Variants in CDH23 observed in about 807,000 individuals in gnomAD.
CDH23 encodes cadherin related 23, also known as cadherin-23.
A neutral mutation model predicts 317.1 loss-of-function variants in CDH23; 189 were observed. The ratio of observed to expected loss-of-function variants is 0.60; its 90% CI spans 0.53 to 0.67. The LOEUF is 0.67. Ranked by LOEUF, CDH23 falls within the 30% of genes least tolerant of loss-of-function variation. CDH23 has a pLI of 0.00. For missense variants in CDH23, 4,401 were observed against 4,592.4 expected (o/e 0.96, Z 1.20); for synonymous variants, 1,839 against 1,876.8 (o/e 0.98, Z 0.52).
chr10:71,695,990 G>T (rs1378557812), intron 22 of CDH23, among the ~76,000 whole-genome samples: 2 of 152,230 alleles, frequency 1.3e-5, no homozygotes, highest in Admixed American at 1.3e-4. Context: ...GCCCAGCAGG[G>T]GTTTTGTTCA....
intron 1 of CDH23, among the ~76,000 whole-genome samples, chr10:71,402,000 A>C (rs1847802396): frequency 6.6e-6 from 1 of 152,238 alleles, no homozygotes; most frequent in Non-Finnish European, 1.5e-5. Flanking sequence ...TGTCAGCCAG[A>C]AAACTGGCAT....
chr10:71,722,704 A>G (rs894095862), intron 28 of CDH23, among the ~76,000 whole-genome samples: 1 of 152,224 alleles, frequency 6.6e-6, no homozygotes, highest in Non-Finnish European at 1.5e-5. Context: ...GGGTCTTAGG[A>G]GAAGATATTT....
At chr10:71,744,976 T>C (rs76148869) in intron 38 of CDH23, among the ~76,000 whole-genome samples, 1 of 152,280 alleles carries the variant, frequency 6.6e-6, no homozygotes. Flanking sequence ...TGCTATCATT[T>C]GGTTTTTGCA....
chr10:71,683,651 G>T (rs953049387), intron 18 of CDH23, among the ~76,000 whole-genome samples: 2 of 152,138 alleles, frequency 1.3e-5, no homozygotes, highest in African/African-American at 4.8e-5. Context: ...ATTTAGGGGG[G>T]GCCAGGAGGA....
At chr10:71,559,864 C>T (rs1468800625) in intron 6 of CDH23, among the ~76,000 whole-genome samples, 2 of 152,254 alleles carry the variant, frequency 1.3e-5, no homozygotes, top group Admixed American at 1.3e-4. Flanking sequence ...CCCGATTCCT[C>T]CAGGCAGAGA....
At chr10:71,504,800 G>A (rs1853542473) in intron 3 of CDH23, among the ~76,000 whole-genome samples, 1 of 152,236 alleles carries the variant, frequency 6.6e-6, no homozygotes, top group African/African-American at 2.4e-5. Flanking sequence ...TACTGGTCTG[G>A]TTGTTTACGG....
At chr10:71,767,689 G>C (rs911112483) in intron 38 of CDH23, among the ~76,000 whole-genome samples, 1 of 152,244 alleles carries the variant, frequency 6.6e-6, no homozygotes, top group African/African-American at 2.4e-5. Flanking sequence ...CAAGGCATAG[G>C]CTCAGGGCCT....
At position 71,753,134 on chromosome 10, in the gene CDH23, C is replaced by T. The variant is rs988643006; in HGVS notation, c.4845+11213C>T. ...GAGGGCCCTGCACAGCTCCGGACTC[C>T]ATTTCTTTTCACATGGGTGCTGTCC... On this transcript the variant is annotated intron_variant, in intron 38 of 69. Coordinates refer to ENST00000224721, the MANE Select transcript of CDH23 (RefSeq NM_022124.6). 5.7e-6 allele frequency: 6 copies of T among 1,043,974 alleles called. No homozygotes were observed. In the African/African-American group the frequency reaches 1.1e-4, roughly 19 times the overall value. 64.7% of individuals were successfully genotyped at this position (1,043,974 alleles called of 1,614,324 possible). A position where few individuals can be genotyped will look rare whatever the true frequency, so the allele number is the denominator to read the frequency against.
At chr10:71,709,966 A>G (rs1194931024) in intron 27 of CDH23, among the ~76,000 whole-genome samples, 4 of 152,140 alleles carry the variant, frequency 2.6e-5, no homozygotes, top group Non-Finnish European at 5.9e-5. Context: ...AAGACGCAAA[A>G]GTAGAAACCC....
intron 14 of CDH23, among the ~76,000 whole-genome samples, chr10:71,653,376 C>G (rs1038877098): frequency 6.6e-6 from 1 of 151,844 alleles, no homozygotes; most frequent in Admixed American, 6.5e-5. Flanking sequence ...GGGCCTCTCC[C>G]TCTGCTCTGT....
intron 3 of CDH23, among the ~76,000 whole-genome samples, chr10:71,489,146 T>G (rs1190766230): frequency 6.6e-6 from 1 of 152,262 alleles, no homozygotes; most frequent in Non-Finnish European, 1.5e-5. Context: ...TGGAACGTTC[T>G]CAGCCATTAT....
Position 71,799,620 on chromosome 10 carries a change from C to T in CDH23, c.7353C>T (p.Asn2451=), listed in dbSNP as rs779887537. The part of the protein sequence containing the change: ...LGDGESKFAI[N]PTTGDIYVLS... Reference sequence around the variant, plus strand: ...ATGGAGAGAGCAAGTTTGCCATCAACCCCACCACGGTGAGCAGTGATGGAG... The same window carrying T: ...ATGGAGAGAGCAAGTTTGCCATCAATCCCACCACGGTGAGCAGTGATGGAG... The change falls in exon 52 of 70, where the codon AAC becomes AAT. Residue 2451 remains asparagine, a synonymous_variant. Transcript: ENST00000224721. The T allele has an allele frequency of 1.2e-6, 2 of 1,614,046 alleles. No homozygotes were observed. Among genetic ancestry groups the T allele is most frequent in the Admixed American group, 3.3e-5 (2 of 60,026 alleles).
At chr10:71,446,280 G>T (rs754089636) in intron 2 of CDH23, 38 bp from the exon 3 acceptor site, 1 of 1,592,692 alleles carries the variant, frequency 6.3e-7, no homozygotes, top group Non-Finnish European at 8.6e-7. Flanking sequence ...AAGCTGATGG[G>T]GGGTACTTGG....
rs530205924 is a variant in CDH23, at chr10:71,773,754, G to A, written c.4846-3926G>A. Among the ~76,000 whole-genome samples, 15 of 152,322 alleles carry A rather than the reference G, an allele frequency of 9.8e-5. No individual in the cohort carries two copies. The South Asian group carries it at 3.1e-3, about 32-fold the overall frequency. ...TCTACCGTCCCCCAGTCCTTTTGGA[G>A]AGAAATTATTATTGCTGCGCAGCCT... On this transcript the variant is annotated intron_variant, in intron 38 of 69. Transcript: ENST00000224721.
intron 3 of CDH23, among the ~76,000 whole-genome samples, chr10:71,452,145 G>A (rs1239069612): frequency 6.6e-6 from 1 of 152,168 alleles, no homozygotes; most frequent in Non-Finnish European, 1.5e-5. Context: ...TATTTGCCGG[G>A]GACCTTGGGG....
At chr10:71,722,091 G>A (rs909397054) in intron 28 of CDH23, among the ~76,000 whole-genome samples, 2 of 152,172 alleles carry the variant, frequency 1.3e-5, no homozygotes, top group South Asian at 2.1e-4. Context: ...AGTGAGCAAC[G>A]ATAGGAAAGC....
chr10:71,700,938 A>G (rs573902716), intron 22 of CDH23, among the ~76,000 whole-genome samples: 4 of 152,316 alleles, frequency 2.6e-5, no homozygotes, highest in African/African-American at 9.6e-5. Context: ...AAGGCTCCAC[A>G]TCAAGTAAGA....
chr10:71,678,057 C>T (rs551061095), intron 16 of CDH23, among the ~76,000 whole-genome samples: 2 of 152,302 alleles, frequency 1.3e-5, no homozygotes, highest in African/African-American at 2.4e-5. Context: ...CTCTGAGCAA[C>T]GCCTCATATC....
chr10:71,789,314 GGGCATGTAA>G (rs1841183009), intron 45 of CDH23, among the ~76,000 whole-genome samples: 1 of 152,264 alleles, frequency 6.6e-6, no homozygotes, highest in South Asian at 2.1e-4. Flanking sequence ...CCCTCAAGAA[GGGCATGTAA>G]GGTGTGAGGA....
Sources: allele counts gnomAD v4.1 joint callset (sites outside exome capture counted in the v4.1 genomes callset), GRCh38; gene constraint gnomAD v4.1.1; transcripts MANE v1.5; gene names NCBI Gene and HGNC (gene_info 2026-07-23, HGNC 2026-07-21).